Variants in FBXL18 observed in about 807,000 individuals in gnomAD.
FBXL18 encodes the protein F-box and leucine rich repeat protein 18.
A neutral mutation model predicts 46.0 loss-of-function variants in FBXL18; 36 were observed. That is an observed-to-expected ratio of 0.78 (90% CI 0.60 to 1.03). The LOEUF is 1.03. FBXL18 is among the 50% of genes least tolerant of loss of function. The probability of loss-of-function intolerance (pLI) is 0.00; values close to 1 mark genes in which losing one functional copy is unlikely to be tolerated. For synonymous variants in FBXL18, 557 were observed against 465.3 expected (o/e 1.20, Z -2.54); for missense variants, 977 against 1,004.1 (o/e 0.97, Z 0.36).
In FBXL18 at chr7:5,505,454, G is replaced by C. The variant is rs375520800; in HGVS notation, c.195C>G (p.Asp65Glu). The C allele has an allele frequency of 6.0e-5, 97 of 1,614,176 alleles. No individual in the cohort carries two copies. The highest frequency in any genetic ancestry group is 8.1e-5 in the Non-Finnish European group (95 of 1,180,042). Residue 65 changes from aspartate (D) to glutamate (E), a missense_variant, in exon 2 of 5, where the codon GAC becomes GAG. Transcript: ENST00000382368. ...GCAACACGGTGTGGATGAGGCTCTT[G>C]TCAAGGCACAGGGCTGCAAGCTTCC... Reference protein sequence around the residue: ...TCRKLAALCLDKSLIHTVLLQ... With the variant: ...TCRKLAALCLEKSLIHTVLLQ...
intron 1 of FBXL18, among the ~76,000 whole-genome samples, chr7:5,507,152 C>G (rs1219421239): frequency 2.6e-5 from 4 of 152,182 alleles, no homozygotes; most frequent in Admixed American, 2.0e-4. Context: ...CTGGCTCCAG[C>G]CTGCTCCTGC....
At chr7:5,456,394 ACT>A (rs1783175272) in intron 4 of FBXL18, among the ~76,000 whole-genome samples, 1 of 152,054 alleles carries the variant, frequency 6.6e-6, no homozygotes, top group African/African-American at 2.4e-5. Flanking sequence ...GGGATCTCAA[ACT>A]CATCACGATG....
chr7:5,463,720 A>ATATAT (rs1440019641), intron 4 of FBXL18, among the ~76,000 whole-genome samples: 28 of 63,278 alleles, frequency 4.4e-4, no homozygotes, highest in Admixed American at 6.4e-4. Flanking sequence ...TTATTTATTT[A>ATATAT]TTTATTTATT....
At chr7:5,463,739 T>TTTTTTTA (rs1783298092) in intron 4 of FBXL18, among the ~76,000 whole-genome samples, 2 of 37,972 alleles carry the variant, frequency 5.3e-5, no homozygotes, top group Non-Finnish European at 1.1e-4. Context: ...TTTTTTTTTT[T>TTTTTTTA]TTTTTTTTTT....
intron 3 of FBXL18, among the ~76,000 whole-genome samples, chr7:5,497,300 G>A (rs1288142300): frequency 6.6e-6 from 1 of 152,122 alleles, no homozygotes; most frequent in African/African-American, 2.4e-5. Flanking sequence ...TCTCAAAGCA[G>A]TCGCCCGTCC....
At chr7:5,470,833 C>T (rs534658735), downstream of FBXL18, among the ~76,000 whole-genome samples, 26 of 152,288 alleles carry the variant, frequency 1.7e-4, no homozygotes, top group Admixed American at 1.5e-3. Flanking sequence ...GCTGGGAGCT[C>T]TCCTCCTTCA....
chr7:5,495,575 G>A (rs1784055126), intron 3 of FBXL18, among the ~76,000 whole-genome samples: 1 of 152,186 alleles, frequency 6.6e-6, no homozygotes, highest in Non-Finnish European at 1.5e-5. Flanking sequence ...CAAGCACAAA[G>A]CTGGGGGTCA....
chr7:5,466,454 G>T lies in FBXL18; in HGVS notation c.2001-18611C>A, dbSNP rs113656465. ...GAGGGAGGACCTCACACACAGTGCGGCCTCTCCAGCACACAGAGTTGCTAG... is the reference window on the plus strand; with the variant it reads ...GAGGGAGGACCTCACACACAGTGCGTCCTCTCCAGCACACAGAGTTGCTAG... On this transcript the variant is annotated intron_variant and NMD_transcript_variant, in intron 4 of 6. Transcript: ENST00000415009. Among the ~76,000 whole-genome samples the T allele has an allele frequency of 4.9e-3, 750 of 152,192 alleles. 6 individuals are homozygous for T. Among genetic ancestry groups the T allele is most frequent in the South Asian group, 0.017 (83 of 4,818 alleles).
At chr7:5,465,313 G>GC (rs1783326277) in intron 4 of FBXL18, among the ~76,000 whole-genome samples, 1 of 151,612 alleles carries the variant, frequency 6.6e-6, no homozygotes, top group Non-Finnish European at 1.5e-5. Context: ...TGATTCTCCT[G>GC]CCCCAGCCTC....
intron 4 of FBXL18, chr7:5,489,740 C>T (rs967234223): frequency 7.8e-6 from 2 of 257,848 alleles, no homozygotes; most frequent in Non-Finnish European, 1.6e-5. Context: ...GATCACGCCA[C>T]TGCACTCCAG....
At position 5,501,351 on chromosome 7, in the gene FBXL18, G is replaced by C. The variant is rs779935044; in HGVS notation, c.918C>G (p.Ser306=). 87 of 1,614,028 alleles carry C rather than the reference G, an allele frequency of 5.4e-5. No homozygotes were observed. Among genetic ancestry groups the C allele is most frequent in the Admixed American group, 1.3e-4 (8 of 59,994 alleles). ...TGTTGAATTTCATGTGCTGCAGGAGGGAAGAGCCGTTCAGCCAGGACTTGG... is the reference window on the plus strand; with the variant it reads ...TGTTGAATTTCATGTGCTGCAGGAGCGAAGAGCCGTTCAGCCAGGACTTGG... ...QLPKSWLNGS[S]LLQHMKFNNP... The change falls in exon 3 of 5, where the codon TCC becomes TCG. Residue 306 remains serine, a synonymous_variant. Coordinates refer to ENST00000382368, the MANE Select transcript of FBXL18 (RefSeq NM_024963.6).
intron 4 of FBXL18, among the ~76,000 whole-genome samples, chr7:5,470,525 C>G (rs1783410217): frequency 6.6e-6 from 1 of 152,198 alleles, no homozygotes; most frequent in African/African-American, 2.4e-5. Context: ...AGAGAAACCG[C>G]AGGAAGGGCC....
chr7:5,501,838 T>C lies in FBXL18; in HGVS notation c.431A>G (p.Gln144Arg), dbSNP rs999069719. 2 of 1,595,900 alleles carry C rather than the reference T, an allele frequency of 1.3e-6. No homozygotes were observed. Among genetic ancestry groups the C allele is most frequent in the African/African-American group, 1.3e-5 (1 of 74,774 alleles). Residue 144 changes from glutamine to arginine, a missense_variant, in exon 3 of 5, where the codon CAG becomes CGG. Transcript: ENST00000382368. ...LRLSKMLSAL[Q>R]HLRSLAIDVS... is the part of the protein sequence containing the mutation. ...GTCGATGGCCAGCGAGCGCAGGTGC[T>C]GCAGGGCCGAGAGCATCTTGGAGAG...
chr7:5,460,578 C>T (rs138375956), intron 4 of FBXL18, among the ~76,000 whole-genome samples: 1 of 152,206 alleles, frequency 6.6e-6, no homozygotes, highest in Non-Finnish European at 1.5e-5. Flanking sequence ...CTCAACCTCC[C>T]GAGCAGCTGG....
At chr7:5,491,080 G>A in intron 4 of FBXL18, 151 bp downstream of exon 4, 1 of 714,740 alleles carries the variant, frequency 1.4e-6, no homozygotes, top group South Asian at 1.9e-5. Context: ...GGCCGTGGGA[G>A]ACCAAACCCC....
At chr7:5,468,582 C>A (rs1045689869) in intron 4 of FBXL18, among the ~76,000 whole-genome samples, 3 of 152,108 alleles carry the variant, frequency 2.0e-5, no homozygotes, top group Admixed American at 2.0e-4. Context: ...CATAATAGAA[C>A]TAAGTTTACC....
In FBXL18 at chr7:5,493,418, C is replaced by A. The variant is rs185358758; in HGVS notation, c.1782-1969G>T. 5.0e-3 allele frequency among the ~76,000 whole-genome samples: 754 copies of A among 152,168 alleles called. 5 individuals are homozygous for A. The highest frequency in any genetic ancestry group is 0.017 in the Middle Eastern group (5 of 294). ...TCACGCCATTCTCCTGCCTCAGCCT[C>A]CCGAGTAGCTGGGACTACAGGCGCC... On this transcript the variant is annotated intron_variant, in intron 3 of 4. Transcript: ENST00000382368.
downstream of FBXL18, among the ~76,000 whole-genome samples, chr7:5,471,307 C>T (rs1435143938): frequency 2.0e-5 from 3 of 152,184 alleles, no homozygotes; most frequent in South Asian, 2.1e-4. Context: ...GGGGCTTTTT[C>T]GCTCTGTCGC....
rs1784201907 is a variant in FBXL18 at position 5,500,366 on chromosome 7, G to A, written c.1781+122C>T. ...CCCCGAGACCGACGTGGCACGCTGC[G>A]AGGCCCCGCCCCAGCCTCTGCACTC... On this transcript the variant is annotated intron_variant, in intron 3 of 4. Coordinates refer to ENST00000382368, the MANE Select transcript of FBXL18 (RefSeq NM_024963.6). 7 of 895,072 alleles carry A rather than the reference G, an allele frequency of 7.8e-6. No homozygotes were observed. The Admixed American group carries it at 1.8e-4, about 24-fold the overall frequency. 55.4% of individuals were successfully genotyped at this position (895,072 alleles called of 1,614,324 possible). A position where few individuals can be genotyped will look rare whatever the true frequency, so the allele number is the denominator to read the frequency against.
Sources: allele counts gnomAD v4.1 joint callset (sites outside exome capture counted in the v4.1 genomes callset), GRCh38; gene constraint gnomAD v4.1.1; transcripts MANE v1.5; gene names NCBI Gene and HGNC (gene_info 2026-07-23, HGNC 2026-07-21).